RIPPLY3: variants seen among roughly 807,000 people sequenced by gnomAD.
RIPPLY3 encodes ripply transcriptional repressor 3.
A neutral mutation model predicts 11.9 loss-of-function variants in RIPPLY3; 8 were observed. The ratio of observed to expected loss-of-function variants is 0.67; its 90% CI spans 0.40 to 1.21. The LOEUF (loss-of-function observed/expected upper bound fraction) is 1.21. Among genes scored for constraint, RIPPLY3 ranks in the 50% most tolerant of loss-of-function variants. The pLI is 0.01. For synonymous variants in RIPPLY3, 102 were observed against 99.0 expected, an observed-to-expected ratio of 1.03 and a Z score of -0.18; for missense variants, 271 against 246.0, an observed-to-expected ratio of 1.10 and a Z score of -0.68.
chr21:37,013,532 T>C lies in RIPPLY3; in HGVS notation c.172-19T>C, dbSNP rs1267156230. ...CACTCCTGCACTGTCTCTGTGTTTG[T>C]ATGTGTCTGTCGTTACAGCTTGAAC... On this transcript the variant is annotated intron_variant, in intron 2 of 3. Transcript: ENST00000329553. The C allele has an allele frequency of 7.4e-6, 12 of 1,611,364 alleles. No homozygotes were observed. Among genetic ancestry groups the C allele is most frequent in the Admixed American group, 1.7e-5 (1 of 59,992 alleles).
chr21:37,012,656 C>G (rs903135676), intron 2 of RIPPLY3, among the ~76,000 whole-genome samples: 1 of 152,080 alleles, frequency 6.6e-6, no homozygotes, highest in African/African-American at 2.4e-5. Context: ...GGCCGCTGCT[C>G]TCCTTGAAAT....
At chr21:37,007,616 C>T (rs553350750) in intron 1 of RIPPLY3, among the ~76,000 whole-genome samples, 2 of 152,040 alleles carry the variant, frequency 1.3e-5, no homozygotes, top group East Asian at 3.9e-4. Flanking sequence ...GCCATGTTGG[C>T]CAGGCTGGTC....
At chr21:37,010,328 C>T (rs1217018180) in intron 2 of RIPPLY3, among the ~76,000 whole-genome samples, 1 of 152,252 alleles carries the variant, frequency 6.6e-6, no homozygotes, top group East Asian at 1.9e-4. Flanking sequence ...CCTGTCTCTA[C>T]TAAAAATACA....
Position 37,006,955 on chromosome 21 carries a change from G to A in RIPPLY3, c.104+79G>A. On this transcript the variant is annotated intron_variant, in intron 1 of 3. Transcript: ENST00000329553. This position sits in a 1 kb window ranked among gnomAD's most constrained non-coding sequence, Gnocchi z 5.2. ...GTGCGGGGAGCGCAGCGAGCGGGAG[G>A]CTGGGGCGCTGCTGAACCCCCGATC... 1.2e-6 allele frequency: 1 copy of A among 852,156 alleles called. No homozygotes were observed. Among genetic ancestry groups the A allele is most frequent in the Non-Finnish European group, 1.5e-6 (1 of 649,450 alleles). 52.8% of individuals were successfully genotyped at this position (852,156 alleles called of 1,614,324 possible).
intron 2 of RIPPLY3, among the ~76,000 whole-genome samples, chr21:37,010,401 G>T (rs1018632717): frequency 2.3e-4 from 35 of 152,304 alleles, no homozygotes; most frequent in Non-Finnish European, 4.7e-4. Flanking sequence ...GCTGAAGCAG[G>T]AGGATCGCTT....
chr21:37,010,536 G>C (rs906601858), intron 2 of RIPPLY3, among the ~76,000 whole-genome samples: 2 of 152,140 alleles, frequency 1.3e-5, no homozygotes, highest in African/African-American at 4.8e-5. Context: ...CAGAGGGAAG[G>C]CCTCAAGGCC....
intron 1 of RIPPLY3, among the ~76,000 whole-genome samples, chr21:37,007,410 T>TTTC (rs2069476467): frequency 7.4e-6 from 1 of 134,700 alleles, no homozygotes; most frequent in Non-Finnish European, 1.6e-5. Flanking sequence ...CTTTTTTTTT[T>TTTC]TTTTTTTTTT....
chr21:37,008,756 C>CAAAAAAAAAA (rs71198845), intron 2 of RIPPLY3, among the ~76,000 whole-genome samples: 1 of 81,644 alleles, frequency 1.2e-5, no homozygotes, highest in African/African-American at 4.4e-5. Context: ...AGACTCATCT[C>CAAAAAAAAAA]AAAAAAAAAA....
chr21:37,007,160 C>T (rs563470333), intron 1 of RIPPLY3, among the ~76,000 whole-genome samples: 1 of 152,218 alleles, frequency 6.6e-6, no homozygotes, highest in Admixed American at 6.5e-5. Flanking sequence ...CTCAGTTAGC[C>T]AGCCGGGGAC....
At chr21:37,012,303 T>C (rs1219422480) in intron 2 of RIPPLY3, among the ~76,000 whole-genome samples, 1 of 151,682 alleles carries the variant, frequency 6.6e-6, no homozygotes. Context: ...AGTGGTGCAA[T>C]CTCAGCTCAC....
At chr21:37,006,548 T>C, upstream of RIPPLY3, 1 of 353,996 alleles carries the variant, frequency 2.8e-6, no homozygotes, top group Non-Finnish European at 5.1e-6. The surrounding 1 kb of genome is among the most constrained non-coding windows in gnomAD (Gnocchi z 5.2). Context: ...GGAACTTCTC[T>C]GGTCCCCTCC....
chr21:37,017,437 AG>A (rs2069590442), intron 3 of RIPPLY3, among the ~76,000 whole-genome samples: 1 of 151,824 alleles, frequency 6.6e-6, no homozygotes, highest in South Asian at 2.1e-4. Context: ...CCAGAACCCA[AG>A]GGGTTACAGC....
At chr21:37,014,516 C>T (rs1023385021) in intron 3 of RIPPLY3, among the ~76,000 whole-genome samples, 1 of 151,338 alleles carries the variant, frequency 6.6e-6, no homozygotes, top group Admixed American at 6.6e-5. Flanking sequence ...CTGCCTGTCT[C>T]TCTGTCTCTG....
chr21:37,012,251 A>ATTT (rs1166279278), intron 2 of RIPPLY3, among the ~76,000 whole-genome samples: 7 of 133,222 alleles, frequency 5.3e-5, no homozygotes, highest in Admixed American at 5.2e-4. Context: ...TATTATTATT[A>ATTT]TTTTTGAGAC....
chr21:37,013,019 C>T (rs2069542117), intron 2 of RIPPLY3, among the ~76,000 whole-genome samples: 1 of 152,114 alleles, frequency 6.6e-6, no homozygotes, highest in Admixed American at 6.5e-5. Flanking sequence ...CATGCGCCAC[C>T]ACGCCCATGC....
At chr21:37,008,420 C>A (rs2069487668) in intron 2 of RIPPLY3, among the ~76,000 whole-genome samples, 197 bp downstream of exon 2, 1 of 152,068 alleles carries the variant, frequency 6.6e-6, no homozygotes, top group South Asian at 2.1e-4. Flanking sequence ...ATAGATTGGG[C>A]TCCTGGTGGC....
At chr21:37,016,826 T>C (rs972874009) in intron 3 of RIPPLY3, among the ~76,000 whole-genome samples, 8 of 148,382 alleles carry the variant, frequency 5.4e-5, no homozygotes. Context: ...ATGAGACCCT[T>C]TCTCAAAAAC....
chr21:37,006,662 C>A, upstream of RIPPLY3: 1 of 651,402 alleles, frequency 1.5e-6, no homozygotes, highest in Non-Finnish European at 2.1e-6. The surrounding 1 kb of genome is among the most constrained non-coding windows in gnomAD (Gnocchi z 5.2). Context: ...CGCGCCGCCC[C>A]GCCCCCGTTT....
chr21:37,008,269 G>A (rs1473934769), intron 2 of RIPPLY3, 46 bp downstream of exon 2: 3 of 1,600,744 alleles, frequency 1.9e-6, no homozygotes, highest in African/African-American at 1.3e-5. Context: ...CAGCCAGAAA[G>A]TGGCATCGTC....
Sources: gnomAD v4.1 joint callset for allele counts (sites outside exome capture counted in the v4.1 genomes callset) on GRCh38, gnomAD v4.1.1 for gene constraint, Gnocchi (gnomAD v3.1) non-coding constraint, MANE v1.5 for transcripts, NCBI Gene and HGNC (gene_info 2026-07-23, HGNC 2026-07-21) for gene names.